Variants in KIAA1217 observed in about 807,000 individuals in gnomAD.
KIAA1217 encodes KIAA1217, also known as sickle tail protein homolog.
In KIAA1217, 88 loss-of-function variants were observed where a neutral mutation model predicts 163.9. The ratio of observed to expected loss-of-function variants is 0.54; its 90% CI spans 0.45 to 0.64. The LOEUF is 0.64. Among genes scored for constraint, KIAA1217 ranks in the 30% least tolerant of loss-of-function variants. The probability of loss-of-function intolerance (pLI) is 0.00; values close to 1 mark genes in which losing one functional copy is unlikely to be tolerated. For synonymous variants in KIAA1217, 903 were observed against 923.1 expected (o/e 0.98, Z 0.39); for missense variants, 2,372 against 2,475.0 (o/e 0.96, Z 0.88).
At chr10:24,310,673 C>T (rs906287874) in intron 2 of KIAA1217, among the ~76,000 whole-genome samples, 1 of 152,146 alleles carries the variant, frequency 6.6e-6, no homozygotes, top group African/African-American at 2.4e-5. Flanking sequence ...GCCTCTAACA[C>T]TCAGTCCCTT....
intron 1 of KIAA1217, among the ~76,000 whole-genome samples, chr10:23,983,343 T>C (rs1845846062): frequency 1.3e-5 from 2 of 152,140 alleles, no homozygotes; most frequent in South Asian, 4.1e-4. Flanking sequence ...GGGTAATTTA[T>C]CAAGAAAAGA....
rs999575152 is a variant in KIAA1217 at position 24,122,943 on chromosome 10, C to G, written c.-170-96683C>G. On this transcript the variant is annotated intron_variant, in intron 2 of 18. Coordinates refer to the KIAA1217 transcript ENST00000376462. ...AATAGTATAATAGTCATCTGCAAAC[C>G]CACCACCAAAAATATGTTATTTTGC... 4.6e-5 allele frequency among the ~76,000 whole-genome samples: 7 copies of G among 151,230 alleles called. No homozygotes were observed. In the South Asian group the frequency reaches 1.5e-3, roughly 32 times the overall value.
intron 2 of KIAA1217, among the ~76,000 whole-genome samples, chr10:24,349,502 G>T (rs927905690): frequency 6.6e-6 from 1 of 152,186 alleles, no homozygotes; most frequent in African/African-American, 2.4e-5. Flanking sequence ...CCATTTTACA[G>T]ACAAGAAGAC....
chr10:23,856,134 A>T (rs557376228), intron 1 of KIAA1217, among the ~76,000 whole-genome samples: 7 of 151,928 alleles, frequency 4.6e-5, no homozygotes, highest in Admixed American at 3.3e-4. Context: ...TTCCCCATCT[A>T]TGTGGTTTTA....
At chr10:24,403,774 G>GA (rs2056848913) in intron 3 of KIAA1217, among the ~76,000 whole-genome samples, 1 of 152,082 alleles carries the variant, frequency 6.6e-6, no homozygotes, top group East Asian at 1.9e-4. Context: ...TTAGCCTTTA[G>GA]AAAAATGCAA....
At position 23,747,119 on chromosome 10, in the gene KIAA1217, G is replaced by A. The variant is rs185501967; in HGVS notation, c.-321+51885G>A. On this transcript the variant is annotated intron_variant, in intron 1 of 18. Transcript: ENST00000376462. ...ATCTCATTTGATAAAGCACTTTCTA[G>A]TATGCATGGCACTCATCTCAGAGGA... 2.3e-4 allele frequency among the ~76,000 whole-genome samples: 35 copies of A among 152,260 alleles called. No individual in the cohort carries two copies. The East Asian group carries it at 4.8e-3, about 21-fold the overall frequency.
chr10:24,486,907 T>C (rs972512998), intron 6 of KIAA1217, among the ~76,000 whole-genome samples: 1 of 152,230 alleles, frequency 6.6e-6, no homozygotes, highest in Admixed American at 6.5e-5. Flanking sequence ...TTCATGTCTA[T>C]GTCCTTAGTG....
At chr10:24,032,401 T>C (rs1848224832) in intron 2 of KIAA1217, among the ~76,000 whole-genome samples, 1 of 152,018 alleles carries the variant, frequency 6.6e-6, no homozygotes, top group Admixed American at 6.6e-5. Flanking sequence ...CTGGGACTAC[T>C]GCTCAGGAGT....
chr10:24,530,172 T>C (rs1287508692), intron 14 of KIAA1217, among the ~76,000 whole-genome samples: 1 of 152,218 alleles, frequency 6.6e-6, no homozygotes, highest in Non-Finnish European at 1.5e-5. Flanking sequence ...TGATGTTTTA[T>C]ATAGGTCTCA....
chr10:24,185,533 G>A (rs533891761), intron 2 of KIAA1217, among the ~76,000 whole-genome samples: 1 of 152,268 alleles, frequency 6.6e-6, no homozygotes, highest in Non-Finnish European at 1.5e-5. Context: ...GGTGGCTCAT[G>A]CCTGTAATCC....
intron 1 of KIAA1217, among the ~76,000 whole-genome samples, chr10:23,787,693 T>G (rs1417956149): frequency 6.6e-6 from 1 of 152,176 alleles, no homozygotes; most frequent in Non-Finnish European, 1.5e-5. Flanking sequence ...AATTTCTAAT[T>G]CAATGTGTTA....
intron 1 of KIAA1217, among the ~76,000 whole-genome samples, chr10:23,778,178 A>T (rs1564411483): frequency 6.6e-6 from 1 of 151,806 alleles, no homozygotes. Flanking sequence ...TGACCTCGTG[A>T]TTCCCCCCCC....
At chr10:24,503,979 G>T (rs963606382) in intron 9 of KIAA1217, among the ~76,000 whole-genome samples, 1 of 152,206 alleles carries the variant, frequency 6.6e-6, no homozygotes, top group African/African-American at 2.4e-5. Context: ...CATAAATGCC[G>T]CACTTCCCCT....
intron 2 of KIAA1217, among the ~76,000 whole-genome samples, chr10:24,013,111 A>ATT (rs978807975): frequency 6.6e-6 from 1 of 151,926 alleles, no homozygotes; most frequent in African/African-American, 2.4e-5. Flanking sequence ...TTGGTGCCAT[A>ATT]TTTTTTTGCA....
At chr10:23,974,362 T>G (rs1195021784) in intron 1 of KIAA1217, among the ~76,000 whole-genome samples, 7 of 152,232 alleles carry the variant, frequency 4.6e-5, no homozygotes, top group Non-Finnish European at 8.8e-5. Flanking sequence ...TTTCCAGGTT[T>G]AATCCTGGTT....
At chr10:23,697,761 C>A (rs1401368663) in intron 1 of KIAA1217, among the ~76,000 whole-genome samples, 1 of 151,528 alleles carries the variant, frequency 6.6e-6, no homozygotes, top group Non-Finnish European at 1.5e-5. Context: ...CCTGTGATCC[C>A]AGCTACTTGG....
At chr10:23,890,647 T>G (rs1719094570) in intron 1 of KIAA1217, among the ~76,000 whole-genome samples, 1 of 152,130 alleles carries the variant, frequency 6.6e-6, no homozygotes, top group African/African-American at 2.4e-5. Flanking sequence ...ATTTTTTGAA[T>G]GCATTATACA....
chr10:24,437,846 T>C (rs1339608812), intron 4 of KIAA1217, among the ~76,000 whole-genome samples: 1 of 148,962 alleles, frequency 6.7e-6, no homozygotes, highest in African/African-American at 2.4e-5. Context: ...TGGTACTGTT[T>C]TTTTTTTTTT....
At chr10:24,450,598 T>C (rs1485462963) in intron 5 of KIAA1217, among the ~76,000 whole-genome samples, 1 of 152,256 alleles carries the variant, frequency 6.6e-6, no homozygotes, top group Non-Finnish European at 1.5e-5. Context: ...TGCTTGTTCA[T>C]ATTTCTGTGG....
Sources: gnomAD v4.1 joint callset for allele counts (sites outside exome capture counted in the v4.1 genomes callset) on GRCh38, gnomAD v4.1.1 for gene constraint, MANE v1.5 for transcripts, NCBI Gene and HGNC (gene_info 2026-07-23, HGNC 2026-07-21) for gene names.